MMP26: variants seen among roughly 807,000 people sequenced by gnomAD.
The protein encoded by MMP26 is matrix metalloproteinase-26.
Under a neutral mutation model 31.0 loss-of-function variants are expected in MMP26, and 33 were observed. The observed-to-expected ratio is 1.06, with a 90% CI of 0.81 to 1.42. MMP26 has a LOEUF of 1.42. Ranked by LOEUF, MMP26 falls within the 40% of genes most tolerant of loss-of-function variation. The pLI is 0.00. For synonymous variants in MMP26, 122 were observed against 114.9 expected, an observed-to-expected ratio of 1.06 and a Z score of -0.40; for missense variants, 347 against 316.1, an observed-to-expected ratio of 1.10 and a Z score of -0.74.
chr11:4,745,280 A>G (rs1848365446), intron 1 of MMP26, among the ~76,000 whole-genome samples: 1 of 152,236 alleles, frequency 6.6e-6, no homozygotes, highest in Admixed American at 6.5e-5. Context: ...AATAAACAAC[A>G]AAGAAATATA....
At chr11:4,924,058 A>T in intron 2 of MMP26, 1 of 1,614,168 alleles carries the variant, frequency 6.2e-7, no homozygotes, top group Non-Finnish European at 8.5e-7. Flanking sequence ...CAGGGATGCC[A>T]ATCTCTCTGG....
At chr11:4,811,851 C>G (rs1849353419) in intron 2 of MMP26, among the ~76,000 whole-genome samples, 1 of 152,108 alleles carries the variant, frequency 6.6e-6, no homozygotes, top group African/African-American at 2.4e-5. Flanking sequence ...TAGGGGATTT[C>G]AAGGTGAAAG....
intron 1 of MMP26, among the ~76,000 whole-genome samples, chr11:4,731,727 G>C (rs1848176739): frequency 6.6e-6 from 1 of 152,128 alleles, no homozygotes; most frequent in South Asian, 2.1e-4. Flanking sequence ...CACATGTGTG[G>C]GTTCATACAT....
At chr11:4,765,797 C>T (rs1181722709) in intron 1 of MMP26, among the ~76,000 whole-genome samples, 1 of 152,182 alleles carries the variant, frequency 6.6e-6, no homozygotes, top group Non-Finnish European at 1.5e-5. Flanking sequence ...GTCCTCTGTG[C>T]ACTTTTATGG....
At chr11:4,836,612 A>G (rs1849722484) in intron 2 of MMP26, among the ~76,000 whole-genome samples, 4 of 149,692 alleles carry the variant, frequency 2.7e-5, no homozygotes, top group Admixed American at 6.6e-5. Context: ...AGAAAATAGT[A>G]TAAGAGATAG....
At chr11:4,725,657 T>G (rs10836536) in intron 1 of MMP26, among the ~76,000 whole-genome samples, 30,894 of 152,178 alleles carry the variant, frequency 0.2, 4,036 homozygotes, top group Middle Eastern at 0.35. Context: ...AAAGCTGTGT[T>G]AAGATTTTAT....
intron 2 of MMP26, among the ~76,000 whole-genome samples, chr11:4,905,759 A>C (rs1019066663): frequency 4.6e-5 from 7 of 152,152 alleles, no homozygotes; most frequent in Non-Finnish European, 7.4e-5. Context: ...TTTCTCTGAC[A>C]GTTTTACCAA....
chr11:4,946,065 T>C, intron 2 of MMP26: 2 of 1,140,338 alleles, frequency 1.8e-6, no homozygotes, highest in East Asian at 2.3e-5. Flanking sequence ...AACAAAAATA[T>C]GTGTTGATAA....
In MMP26 at chr11:4,754,859, T is replaced by A. The variant is rs1020229449; in HGVS notation, c.-216-12411T>A. 3.3e-5 allele frequency among the ~76,000 whole-genome samples: 5 copies of A among 152,110 alleles called. No homozygotes were observed. The East Asian group carries it at 9.7e-4, about 29-fold the overall frequency. On this transcript the variant is annotated intron_variant, in intron 1 of 7. Transcript: ENST00000380390. ...TGTCTAATTCGTTGATTCTTCCACC[T>A]TAAATATCTCAAAGCAAGCTCAAAC... is the stretch of plus-strand genomic sequence containing the variant.
intron 2 of MMP26, among the ~76,000 whole-genome samples, chr11:4,836,283 C>T (rs1213385129): frequency 6.6e-6 from 1 of 151,994 alleles, no homozygotes; most frequent in Admixed American, 6.5e-5. Flanking sequence ...ACCTACACAA[C>T]CTACTGACCA....
intron 1 of MMP26, among the ~76,000 whole-genome samples, chr11:4,731,521 A>G (rs566838432): frequency 1.2e-3 from 185 of 152,350 alleles, no homozygotes; most frequent in South Asian, 4.1e-3. Flanking sequence ...GTACCCTGAC[A>G]TGTAAAGACA....
intron 2 of MMP26, among the ~76,000 whole-genome samples, chr11:4,919,839 G>A (rs1037714406): frequency 1.3e-5 from 2 of 152,048 alleles, no homozygotes; most frequent in Non-Finnish European, 2.9e-5. Flanking sequence ...GGGTGCTCAG[G>A]TAACCCTATA....
At chr11:4,940,933 GA>G (rs952782326) in intron 2 of MMP26, among the ~76,000 whole-genome samples, 35 of 152,010 alleles carry the variant, frequency 2.3e-4, no homozygotes, top group Admixed American at 2.3e-3. Context: ...CCTCCAATTG[GA>G]AATTATACTC....
At chr11:4,918,428 C>T (rs964678867) in intron 2 of MMP26, among the ~76,000 whole-genome samples, 1 of 151,974 alleles carries the variant, frequency 6.6e-6, no homozygotes, top group African/African-American at 2.4e-5. Flanking sequence ...TAAGGAGGTA[C>T]AGCAGAACAG....
chr11:4,925,515 G>A (rs1201075868), intron 2 of MMP26, among the ~76,000 whole-genome samples: 1 of 152,082 alleles, frequency 6.6e-6, no homozygotes, highest in African/African-American at 2.4e-5. Context: ...AGAGGGTCTA[G>A]AGGATATTAT....
chr11:4,991,902 C>A, intron 6 of MMP26, 62 bp from the exon 7 acceptor site: 1 of 1,398,344 alleles, frequency 7.2e-7, no homozygotes. Context: ...TCCTATTTCA[C>A]ACACTTTCAG....
chr11:4,732,146 C>A (rs1589885918), intron 1 of MMP26, among the ~76,000 whole-genome samples: 1 of 152,278 alleles, frequency 6.6e-6, no homozygotes, highest in Non-Finnish European at 1.5e-5. Context: ...AGAGACTGAA[C>A]CATCCCATTG....
chr11:4,748,740 G>A (rs1042131026), intron 1 of MMP26, among the ~76,000 whole-genome samples: 1 of 151,726 alleles, frequency 6.6e-6, no homozygotes, highest in Non-Finnish European at 1.5e-5. Flanking sequence ...ATAAAATTCA[G>A]CATGAGTTCG....
At chr11:4,761,296 A>G (rs1041730502) in intron 1 of MMP26, among the ~76,000 whole-genome samples, 2 of 152,244 alleles carry the variant, frequency 1.3e-5, no homozygotes, top group South Asian at 2.1e-4. Flanking sequence ...TAAAGACACA[A>G]TTAAGTCCTG....
Sources: allele counts gnomAD v4.1 joint callset (sites outside exome capture counted in the v4.1 genomes callset), GRCh38; gene constraint gnomAD v4.1.1; transcripts MANE v1.5; gene names NCBI Gene and HGNC (gene_info 2026-07-23, HGNC 2026-07-21).